Variants in YARS2 observed in about 807,000 individuals in gnomAD.
The protein encoded by YARS2 is tyrosine--tRNA ligase, mitochondrial.
Under a neutral mutation model 45.0 loss-of-function variants are expected in YARS2, and 38 were observed. That is an observed-to-expected ratio of 0.84 (90% CI 0.65 to 1.11). YARS2 has a LOEUF of 1.11. YARS2 is among the 50% of genes least tolerant of loss of function. The pLI, the probability that YARS2 is intolerant of heterozygous loss-of-function variation, is 0.00. For missense variants in YARS2, 602 were observed against 599.8 expected (o/e 1.00, Z -0.04); for synonymous variants, 287 against 245.1 (o/e 1.17, Z -1.60).
chr12:32,752,397 T>C (rs953896979), intron 2 of YARS2, among the ~76,000 whole-genome samples: 2 of 152,062 alleles, frequency 1.3e-5, no homozygotes, highest in African/African-American at 4.8e-5. Context: ...AGGTAATATA[T>C]ATAAAGTAAT....
At chr12:32,754,959 TTA>T in intron 1 of YARS2, 135 bp downstream of exon 1, 1 of 1,088,652 alleles carries the variant, frequency 9.2e-7, no homozygotes, top group Non-Finnish European at 1.4e-6. Flanking sequence ...ATTAACGCCA[TTA>T]TAGAGCCTTA....
Position 32,755,617 on chromosome 12 carries a change from C to A in YARS2, c.258G>T (p.Ser86=). The A allele has an allele frequency of 6.2e-7, 1 of 1,614,106 alleles. No individual in the cohort carries two copies. The highest frequency in any genetic ancestry group is 8.5e-7 in the Non-Finnish European group (1 of 1,179,980). ...GCGCAAGTAGATGACCCACATGAAG[C>A]GAGTCTGCCGTGGGGTCGAAGCCAC... is the stretch of plus-strand genomic sequence containing the variant. The part of the protein sequence containing the change: ...IYCGFDPTAD[S]LHVGHLLALL... The change falls in exon 1 of 5, where the codon TCG becomes TCT. Residue 86 remains serine, a synonymous_variant. Transcript: ENST00000324868.
At chr12:32,750,912 A>G (rs1327097979) in intron 2 of YARS2, 38 bp from the exon 3 acceptor site, 1 of 1,610,182 alleles carries the variant, frequency 6.2e-7, no homozygotes, top group Admixed American at 1.7e-5. Flanking sequence ...CTTATATAAC[A>G]TACCTAATTT....
Position 32,746,798 on chromosome 12 carries a change from G to A in YARS2, c.*406C>T, listed in dbSNP as rs145618550. 0.022 allele frequency: 3,820 copies of A among 174,954 alleles called. 67 individuals carry two copies. Among genetic ancestry groups the A allele is most frequent in the South Asian group, 0.046 (354 of 7,652 alleles). 10.8% of individuals were successfully genotyped at this position (174,954 alleles called of 1,614,324 possible). On this transcript the variant is annotated 3_prime_UTR_variant, in exon 5 of 5. Coordinates refer to ENST00000324868, the MANE Select transcript of YARS2 (RefSeq NM_001040436.3). ...AGCGATTTGCCCACCTTGGCCTCCC[G>A]AAGTGCTGGGATTACAGGTGTGAGC...
intron 4 of YARS2, among the ~76,000 whole-genome samples, chr12:32,748,053 A>G (rs1955675871): frequency 6.6e-6 from 1 of 152,236 alleles, no homozygotes; most frequent in African/African-American, 2.4e-5. Flanking sequence ...AGACAGGGCT[A>G]CAGCGTGGCT....
In YARS2 at chr12:32,750,105, C is replaced by T. The variant is rs1365700579; in HGVS notation, c.1106G>A (p.Cys369Tyr). The change falls in exon 4 of 5, where the codon TGT (cysteine) becomes TAT (tyrosine). Residue 369 changes from cysteine (C) to tyrosine (Y), a missense_variant and splice_region_variant. Physicochemically the swap from Cys to Tyr is radical, Grantham distance 194. Coordinates refer to ENST00000324868, the MANE Select transcript of YARS2 (RefSeq NM_001040436.3). The stretch of plus-strand genomic sequence containing the variant: ...GCTACTGTGATAAAGGGCTTGTGTA[C>T]ACCTGAAAAACACATTTTAAGAGCT... Reference protein sequence around the residue: ...GREGLDSAKRCTQALYHSSID... With the variant: ...GREGLDSAKRYTQALYHSSID... The T allele has an allele frequency of 9.9e-6, 16 of 1,613,876 alleles. No individual in the cohort carries two copies. Among genetic ancestry groups the T allele is most frequent in the Non-Finnish European group, 1.0e-5 (12 of 1,179,986 alleles).
chr12:32,755,119 C>T lies in YARS2; in HGVS notation c.756G>A (p.Met252Ile). 1.2e-6 allele frequency: 2 copies of T among 1,614,178 alleles called. No homozygotes were observed. Among genetic ancestry groups the T allele is most frequent in the Non-Finnish European group, 1.7e-6 (2 of 1,180,018 alleles). Residue 252 changes from methionine (M) to isoleucine (I), a missense_variant, in exon 1 of 5, where the codon ATG becomes ATA. By Grantham distance (10) the Met-to-Ile change is conservative. Transcript: ENST00000324868. ...LGGSDQLGNIMSGYEFINKLT... is the reference protein window; with the variant it reads ...LGGSDQLGNIISGYEFINKLT... ...ACTTGTTGATGAACTCATATCCGGA[C>T]ATGATGTTGCCTAGTTGATCAGATC...
intron 3 of YARS2, 79 bp from the exon 4 acceptor site, chr12:32,750,186 G>C: frequency 6.4e-7 from 1 of 1,562,640 alleles, no homozygotes; most frequent in Non-Finnish European, 8.7e-7. Flanking sequence ...ACCAATTATA[G>C]AGTGTCCAAG....
intron 1 of YARS2, 64 bp downstream of exon 1, chr12:32,755,032 T>A (rs1955820537): frequency 6.2e-7 from 1 of 1,601,880 alleles, no homozygotes; most frequent in Non-Finnish European, 8.6e-7. Context: ...TAAGAGTGAA[T>A]CACAGGCTAC....
chr12:32,755,588 A>G lies in YARS2; in HGVS notation c.287T>C (p.Leu96Pro), dbSNP rs141193661. The G allele has an allele frequency of 1.2e-6, 2 of 1,613,832 alleles. No individual in the cohort carries two copies. Among genetic ancestry groups the G allele is most frequent in the Non-Finnish European group, 1.7e-6 (2 of 1,179,918 alleles). The change falls in exon 1 of 5, where the codon CTG becomes CCG. Residue 96 changes from leucine (L) to proline (P), a missense_variant. Coordinates refer to ENST00000324868, the MANE Select transcript of YARS2 (RefSeq NM_001040436.3). ...SLHVGHLLALLGLFHLQRAGH... is the reference protein window; with the variant it reads ...SLHVGHLLALPGLFHLQRAGH... ...CGCTCGCTGCAAATGAAACAGGCCC[A>G]GCAGCGCAAGTAGATGACCCACATG...
In YARS2 at chr12:32,755,755, T is replaced by G; in HGVS notation, c.120A>C (p.Ala40=). 1 of 1,613,998 alleles carries G rather than the reference T, an allele frequency of 6.2e-7. No individual in the cohort carries two copies. Among genetic ancestry groups the G allele is most frequent in the Non-Finnish European group, 8.5e-7 (1 of 1,179,982 alleles). The change falls in exon 1 of 5, where the codon GCA becomes GCC. Residue 40 remains alanine (A), a synonymous_variant. Coordinates refer to ENST00000324868, the MANE Select transcript of YARS2 (RefSeq NM_001040436.3). The part of the protein sequence containing the change: ...KAHSGAQGLL[A]AQKARGLFKD... ...TGAACAGACCTCGAGCCTTCTGCGC[T>G]GCCAGTAACCCCTGAGCGCCCGAGT...
intron 2 of YARS2, 93 bp from the exon 3 acceptor site, chr12:32,750,967 T>A: frequency 7.0e-7 from 1 of 1,432,706 alleles, no homozygotes; most frequent in Admixed American, 1.9e-5. Flanking sequence ...TGCTTACTTT[T>A]AAATATGAAA....
rs1349662113 is a variant in YARS2, at chr12:32,753,788, T to G, written c.947+130A>C. ...CAGTAAAAATTAGTCTTCTATGATGTAATGGTTTATGTACAGACAGAAACT... is the reference window on the plus strand; with the variant it reads ...CAGTAAAAATTAGTCTTCTATGATGGAATGGTTTATGTACAGACAGAAACT... On this transcript the variant is annotated intron_variant, in intron 2 of 4. Transcript: ENST00000324868. 3.5e-5 allele frequency: 42 copies of G among 1,209,346 alleles called. No homozygotes were observed. In the South Asian group the frequency reaches 4.5e-4, roughly 13 times the overall value. 74.9% of individuals were successfully genotyped at this position (1,209,346 alleles called of 1,614,324 possible).
In YARS2 at chr12:32,755,564, G is replaced by C; in HGVS notation, c.311C>G (p.Ala104Gly). The C allele has an allele frequency of 6.2e-7, 1 of 1,613,734 alleles. No individual in the cohort carries two copies. The highest frequency in any genetic ancestry group is 2.2e-5 in the East Asian group (1 of 44,872). Residue 104 changes from alanine to glycine, a missense_variant, in exon 1 of 5, where the codon GCG (alanine) becomes GGG (glycine). Transcript: ENST00000324868. ...CACCAGCGCGATCACGTTGTGGCCC[G>C]CTCGCTGCAAATGAAACAGGCCCAG... ...ALLGLFHLQR[A>G]GHNVIALVGG...
intron 1 of YARS2, among the ~76,000 whole-genome samples, chr12:32,754,663 A>AG (rs1230693080): frequency 6.6e-6 from 1 of 151,650 alleles, no homozygotes; most frequent in African/African-American, 2.4e-5. Flanking sequence ...AGGACGACTT[A>AG]GGCGAAGCAA....
In YARS2 at chr12:32,747,032, C is replaced by A; in HGVS notation, c.*172G>T. 1 of 621,578 alleles carries A rather than the reference C, an allele frequency of 1.6e-6. No individual in the cohort carries two copies. Among genetic ancestry groups the A allele is most frequent in the Non-Finnish European group, 2.8e-6 (1 of 362,660 alleles). 38.5% of individuals were successfully genotyped at this position (621,578 alleles called of 1,614,324 possible). A position where few individuals can be genotyped will look rare whatever the true frequency, so the allele number is the denominator to read the frequency against. On this transcript the variant is annotated 3_prime_UTR_variant, in exon 5 of 5. Coordinates refer to ENST00000324868, the MANE Select transcript of YARS2 (RefSeq NM_001040436.3). ...GAAAATAAAACATCCCATTATTAAA[C>A]AAATATTTATTAACCGGCCCATAAA...
rs750977033 is a variant in YARS2 at position 32,747,250 on chromosome 12, TTAAG to T, written c.1384_1387del (p.Leu462LysfsTer2). The T allele has an allele frequency of 2.5e-5, 41 of 1,613,868 alleles. No individual in the cohort carries two copies. Among genetic ancestry groups the T allele is most frequent in the Admixed American group, 5.0e-5 (3 of 60,016 alleles). On this transcript the variant is annotated frameshift_variant, in exon 5 of 5. Coordinates refer to ENST00000324868, the MANE Select transcript of YARS2 (RefSeq NM_001040436.3). LOFTEE classifies it high-confidence loss of function. ...AATGTAGAAATTTCTTTTTCCTATT[TTAAG>T]TAAGGAAAGTCCATTCTTGAGAATA...
chr12:32,746,623 C>G lies in YARS2; in HGVS notation c.*581G>C, dbSNP rs948575500. 6.5e-6 allele frequency: 1 copy of G among 153,162 alleles called. No individual in the cohort carries two copies. The highest frequency in any genetic ancestry group is 1.4e-5 in the Non-Finnish European group (1 of 69,124). 9.5% of individuals were successfully genotyped at this position (153,162 alleles called of 1,614,324 possible). ...CGTGATCTCAGCTCACTGCAACCTC[C>G]ATCTCCTGGGTTCAAGTGATTCTCG... On this transcript the variant is annotated 3_prime_UTR_variant, in exon 5 of 5. Transcript: ENST00000324868.
At position 32,755,673 on chromosome 12, in the gene YARS2, C is replaced by T. The variant is rs150304121; in HGVS notation, c.202G>A (p.Gly68Ser). 1.5e-4 allele frequency: 248 copies of T among 1,614,150 alleles called. No homozygotes were observed. The highest frequency in any genetic ancestry group is 2.1e-4 in the Non-Finnish European group (242 of 1,180,060). The change falls in exon 1 of 5, where the codon GGC becomes AGC. Residue 68 changes from glycine to serine, a missense_variant. Coordinates refer to ENST00000324868, the MANE Select transcript of YARS2 (RefSeq NM_001040436.3). The part of the protein sequence containing the change: ...KIELPELFDR[G>S]TASFPQTIYC... ...ATGGTTTGGGGAAAACTCGCCGTGC[C>T]ACGGTCGAAGAGCTCTGGGAGCTCT...
Sources: gnomAD v4.1 joint callset for allele counts (sites outside exome capture counted in the v4.1 genomes callset) on GRCh38, gnomAD v4.1.1 for gene constraint, MANE v1.5 for transcripts, NCBI Gene and HGNC (gene_info 2026-07-23, HGNC 2026-07-21) for gene names.